The following FBXW7 variants were observed in gnomAD, a reference collection of about 807,000 sequenced individuals.
FBXW7 encodes the protein F-box/WD repeat-containing protein 7.
A neutral mutation model predicts 86.3 loss-of-function variants in FBXW7; 11 were observed. The observed-to-expected ratio is 0.13, with a 90% confidence interval of 0.08 to 0.21. The LOEUF (loss-of-function observed/expected upper bound fraction) is 0.21, where lower values mean the gene tolerates loss of function less well. FBXW7 is among the 10% of genes least tolerant of loss of function. The pLI is 1.00. For missense variants in FBXW7, 488 were observed against 847.4 expected (o/e 0.58, Z 5.27); for synonymous variants, 313 against 297.9 (o/e 1.05, Z -0.52).
intron 2 of FBXW7, among the ~76,000 whole-genome samples, chr4:152,481,174 CCA>C (rs1361596194): frequency 2.1e-4 from 32 of 152,260 alleles, no homozygotes; most frequent in Middle Eastern, 3.4e-3. Context: ...ACTTATCATT[CCA>C]AAAATTGTAG....
At chr4:152,412,975 C>T (rs372577200) in intron 2 of FBXW7, among the ~76,000 whole-genome samples, 1 of 151,992 alleles carries the variant, frequency 6.6e-6, no homozygotes, top group Non-Finnish European at 1.5e-5. Flanking sequence ...TCATGATATT[C>T]ATTCTTACAT....
chr4:152,470,690 T>C (rs1269956172), intron 2 of FBXW7, among the ~76,000 whole-genome samples: 1 of 152,132 alleles, frequency 6.6e-6, no homozygotes, highest in African/African-American at 2.4e-5. Context: ...GAGTCCAATT[T>C]ATTTCAAAAA....
intron 4 of FBXW7, among the ~76,000 whole-genome samples, chr4:152,366,867 C>T (rs988942773): frequency 2.0e-5 from 3 of 152,066 alleles, no homozygotes; most frequent in African/African-American, 7.2e-5. Context: ...CAAAGACTTG[C>T]AACCAACCCA....
chr4:152,493,649 C>G (rs1746061753), intron 2 of FBXW7, among the ~76,000 whole-genome samples: 1 of 152,072 alleles, frequency 6.6e-6, no homozygotes, highest in Non-Finnish European at 1.5e-5. Flanking sequence ...GACACAGACA[C>G]CAGAAATGCA....
chr4:152,477,022 C>CTACT (rs1289925425), intron 2 of FBXW7, among the ~76,000 whole-genome samples: 6 of 151,488 alleles, frequency 4.0e-5, no homozygotes, highest in Non-Finnish European at 7.4e-5. Context: ...CCTCTTCACA[C>CTACT]TACTATATGG....
chr4:152,324,846 T>A (rs1728869311), intron 12 of FBXW7: 1 of 154,400 alleles, frequency 6.5e-6, no homozygotes, highest in Non-Finnish European at 1.4e-5. Context: ...TAGAGATAAC[T>A]TTCGTGATGT....
At chr4:152,374,922 A>G (rs1363087337) in intron 4 of FBXW7, among the ~76,000 whole-genome samples, 9 of 151,996 alleles carry the variant, frequency 5.9e-5, no homozygotes, top group African/African-American at 2.2e-4. Flanking sequence ...AAAACGTTTT[A>G]TATTTCCGTA....
intron 4 of FBXW7, among the ~76,000 whole-genome samples, chr4:152,405,762 A>G (rs2126857314): frequency 6.6e-6 from 1 of 152,386 alleles, no homozygotes; most frequent in African/African-American, 2.4e-5. Context: ...TAAATTATTC[A>G]GCAGGCCCAG....
At chr4:152,380,724 A>G (rs894957340) in intron 4 of FBXW7, among the ~76,000 whole-genome samples, 2 of 152,014 alleles carry the variant, frequency 1.3e-5, no homozygotes, top group Admixed American at 6.6e-5. Context: ...AATCTCCCAT[A>G]TGTACTTGTT....
chr4:152,420,327 C>T (rs1407551285), intron 2 of FBXW7, among the ~76,000 whole-genome samples: 1 of 152,152 alleles, frequency 6.6e-6, no homozygotes, highest in Non-Finnish European at 1.5e-5. Context: ...GCTATTTCTA[C>T]CACAACTGCA....
chr4:152,523,477 G>T (rs1374706354), intron 2 of FBXW7, among the ~76,000 whole-genome samples: 2 of 152,124 alleles, frequency 1.3e-5, no homozygotes, highest in Non-Finnish European at 2.9e-5. Context: ...TGGCATAGAA[G>T]AGCAAAAGAG....
chr4:152,337,589 A>G, intron 7 of FBXW7: 1 of 431,930 alleles, frequency 2.3e-6, no homozygotes. Context: ...AATAGTGGAA[A>G]GGAGTTACTT....
chr4:152,491,669 C>CA (rs2149685356), intron 2 of FBXW7, among the ~76,000 whole-genome samples: 1 of 152,228 alleles, frequency 6.6e-6, no homozygotes, highest in Non-Finnish European at 1.5e-5. Context: ...AGCTGGCAGT[C>CA]AGACCACAGG....
chr4:152,507,601 T>C (rs1037676280), intron 2 of FBXW7, among the ~76,000 whole-genome samples: 1 of 152,116 alleles, frequency 6.6e-6, no homozygotes, highest in Non-Finnish European at 1.5e-5. Flanking sequence ...CAAAGACTTT[T>C]AAAAAGATGG....
At position 152,411,321 on chromosome 4, in the gene FBXW7, G is replaced by C. The variant is rs748590884; in HGVS notation, c.483C>G (p.Phe161Leu). 1 of 1,606,548 alleles carries C rather than the reference G, an allele frequency of 6.2e-7. No homozygotes were observed. The highest frequency in any genetic ancestry group is 8.5e-7 in the Non-Finnish European group (1 of 1,176,044). Reference protein sequence around the residue: ...DLPVHQLSSPFYTKTTKMKRK... With the variant: ...DLPVHQLSSPLYTKTTKMKRK... ...TACTCACTTTTGTTGTTTTTGTATA[G>C]AATGGGGAGGAGAGTTGGTGAACGG... The change falls in exon 4 of 14, where the codon TTC becomes TTG. Residue 161 changes from phenylalanine (F) to leucine (L), a missense_variant. This residue lies in a region of FBXW7 where 230 missense variants were observed against 240.0 expected (regional missense o/e 0.96). Transcript: ENST00000281708.
rs886654601 is a variant in FBXW7, at chr4:152,380,108, G to A, written c.502-29984C>T. Among the ~76,000 whole-genome samples, 11 of 152,124 alleles carry A rather than the reference G, an allele frequency of 7.2e-5. No homozygotes were observed. The East Asian group carries it at 2.1e-3, about 29-fold the overall frequency. On this transcript the variant is annotated intron_variant, in intron 4 of 13. Transcript: ENST00000281708. ...GCTCATGACTTAGAAGGAAAAAAGT[G>A]GTCTGTAAAATACAGAAGAATGTTT...
intron 4 of FBXW7, among the ~76,000 whole-genome samples, chr4:152,409,190 AAAAAT>A (rs577987171): frequency 5.8e-4 from 88 of 152,316 alleles, no homozygotes; most frequent in African/African-American, 2.1e-3. Flanking sequence ...GAGAATGCCA[AAAAAT>A]AAAACTTGAA....
chr4:152,495,577 C>A (rs1303928613), intron 2 of FBXW7, among the ~76,000 whole-genome samples: 1 of 152,162 alleles, frequency 6.6e-6, no homozygotes. Flanking sequence ...GGCAATGTTT[C>A]TTCCCTACAA....
chr4:152,361,981 A>C (rs796174008), intron 4 of FBXW7, among the ~76,000 whole-genome samples: 1 of 150,538 alleles, frequency 6.6e-6, no homozygotes, highest in Non-Finnish European at 1.5e-5. Flanking sequence ...AAAAAAAAAA[A>C]AAAAGAACAG....
Sources: allele counts gnomAD v4.1 joint callset (sites outside exome capture counted in the v4.1 genomes callset), GRCh38; gene constraint gnomAD v4.1.1; regional missense constraint gnomAD v4.1.1; transcripts MANE v1.5; gene names NCBI Gene and HGNC (gene_info 2026-07-23, HGNC 2026-07-21).